Variants in USHBP1 observed in about 807,000 individuals in gnomAD.
The protein encoded by USHBP1 is harmonin-binding protein USHBP1.
A neutral mutation model predicts 76.2 loss-of-function variants in USHBP1; 67 were observed. The observed-to-expected ratio is 0.88, with a 90% CI of 0.72 to 1.08. The LOEUF is 1.08. Ranked by LOEUF, USHBP1 falls within the 50% of genes least tolerant of loss-of-function variation. USHBP1 has a pLI of 0.00. For missense variants in USHBP1, 931 were observed against 915.0 expected, an observed-to-expected ratio of 1.02 and a Z score of -0.23; for synonymous variants, 322 against 362.2, an observed-to-expected ratio of 0.89 and a Z score of 1.26.
intron 9 of USHBP1, among the ~76,000 whole-genome samples, chr19:17,256,020 A>G (rs951515422): frequency 6.6e-6 from 1 of 151,908 alleles, no homozygotes; most frequent in Non-Finnish European, 1.5e-5. Flanking sequence ...AAACAAACAA[A>G]CAAACAAACT....
chr19:17,256,703 A>G lies in USHBP1; in HGVS notation c.1238T>C (p.Val413Ala), dbSNP rs1235125331. Residue 413 changes from valine (V) to alanine (A), a missense_variant, in exon 9 of 13, where the codon GTG becomes GCG. Physicochemically the swap from Val to Ala is moderately conservative, Grantham distance 64. Transcript: ENST00000252597. ...CACTTCCTGTGGGGTGGGCTTATCCACACTGCTGCCTTCAGGGCTATAGAA... is the reference window on the plus strand; with the variant it reads ...CACTTCCTGTGGGGTGGGCTTATCCGCACTGCTGCCTTCAGGGCTATAGAA... ...NPQPSPEGSS[V>A]DKPTPQEVAF... 2 of 1,614,200 alleles carry G rather than the reference A, an allele frequency of 1.2e-6. No individual in the cohort carries two copies. The highest frequency in any genetic ancestry group is 1.7e-6 in the Non-Finnish European group (2 of 1,180,038).
intron 3 of USHBP1, 143 bp downstream of exon 3, chr19:17,263,859 A>T: frequency 8.5e-7 from 1 of 1,171,778 alleles, no homozygotes; most frequent in South Asian, 1.7e-5. Flanking sequence ...TGACACAGCA[A>T]GACTCAAAAA....
intron 10 of USHBP1, among the ~76,000 whole-genome samples, chr19:17,252,907 A>C (rs1035318022): frequency 2.0e-5 from 3 of 152,072 alleles, no homozygotes; most frequent in African/African-American, 7.2e-5. Flanking sequence ...ACAACAAAAA[A>C]ACAAAAACAA....
intron 10 of USHBP1, among the ~76,000 whole-genome samples, 153 bp from the exon 11 acceptor site, chr19:17,252,170 T>C (rs1167934395): frequency 6.6e-6 from 1 of 152,084 alleles, no homozygotes; most frequent in Non-Finnish European, 1.5e-5. Flanking sequence ...AAAATTATAC[T>C]CTGATAAGGG....
intron 4 of USHBP1, among the ~76,000 whole-genome samples, chr19:17,260,964 A>C (rs1599476862): frequency 6.6e-6 from 1 of 151,618 alleles, no homozygotes; most frequent in South Asian, 2.1e-4. Flanking sequence ...CACTTCTACA[A>C]CCTCCACCAT....
At position 17,251,607 on chromosome 19, in the gene USHBP1, T is replaced by A; in HGVS notation, c.1897A>T (p.Asn633Tyr). The change falls in exon 12 of 13, where the codon AAC (asparagine) becomes TAC (tyrosine). Residue 633 changes from asparagine to tyrosine, a missense_variant. Physicochemically the swap from Asn to Tyr is moderately radical, Grantham distance 143 (BLOSUM62 -2). Transcript: ENST00000252597. ...CTGTGGGCTTTGCATAAATCCCTGT[T>A]CAGCTCGGCACTCTGAGACCGTCTG... ...RARRSQSAEL[N>Y]RDLCKAHSAL... 6.2e-7 allele frequency: 1 copy of A among 1,614,038 alleles called. No homozygotes were observed. The highest frequency in any genetic ancestry group is 1.6e-4 in the Middle Eastern group (1 of 6,062).
chr19:17,258,391 G>A lies in USHBP1; in HGVS notation c.1047-6C>T, dbSNP rs2073647575. 6.2e-7 allele frequency: 1 copy of A among 1,612,020 alleles called. No individual in the cohort carries two copies. The highest frequency in any genetic ancestry group is 1.1e-5 in the South Asian group (1 of 91,018). The stretch of plus-strand genomic sequence containing the variant: ...ATGCCTCTTCACAGTGTTCACTGTG[G>A]GACACTGGTTCTGAGTGCTTCAGGA... On this transcript the variant is annotated splice_polypyrimidine_tract_variant and splice_region_variant and intron_variant, in intron 7 of 12. Transcript: ENST00000252597.
At position 17,256,485 on chromosome 19, in the gene USHBP1, G is replaced by A. The variant is rs769638172; in HGVS notation, c.1456C>T (p.Leu486=). Residue 486 remains leucine (L), a synonymous_variant, in exon 9 of 13, where the codon CTG becomes TTG. Transcript: ENST00000252597. ...RLEKTQIQQD[L]VAAREALADL... ...CCCATTTGTACCCTTGCGGCCACCAGGTCCTGCTGAATTTGTGTCTTCTCC... is the reference window on the plus strand; with the variant it reads ...CCCATTTGTACCCTTGCGGCCACCAAGTCCTGCTGAATTTGTGTCTTCTCC... The A allele has an allele frequency of 6.8e-6, 11 of 1,613,634 alleles. No homozygotes were observed. Among genetic ancestry groups the A allele is most frequent in the African/African-American group, 1.3e-5 (1 of 74,986 alleles).
At chr19:17,254,464 T>G (rs1395760363) in intron 10 of USHBP1, among the ~76,000 whole-genome samples, 1 of 147,102 alleles carries the variant, frequency 6.8e-6, no homozygotes, top group Non-Finnish European at 1.5e-5. Context: ...GAGACCAGCC[T>G]TAGTAACATG....
rs762040512 is a variant in USHBP1 at position 17,259,663 on chromosome 19, A to G, written c.838T>C (p.Ser280Pro). ...RSHSSTQILG[S>P]LPNQPLSPEM... ...GGACTGAGGGGCTGGTTGGGAAGAG[A>G]CCCAAGGATCTGGGTGCTGGAATGG... Residue 280 changes from serine (S) to proline (P), a missense_variant, in exon 6 of 13, where the codon TCT becomes CCT. By Grantham distance (74) the Ser-to-Pro change is moderately conservative (BLOSUM62 -1). Coordinates refer to ENST00000252597, the MANE Select transcript of USHBP1 (RefSeq NM_031941.4). 6.2e-7 allele frequency: 1 copy of G among 1,613,828 alleles called. No individual in the cohort carries two copies. Among genetic ancestry groups the G allele is most frequent in the South Asian group, 1.1e-5 (1 of 91,060 alleles).
Position 17,256,400 on chromosome 19 carries a change from G to A in USHBP1, c.1470+71C>T, listed in dbSNP as rs923643034. 18 of 1,584,040 alleles carry A rather than the reference G, an allele frequency of 1.1e-5. No individual in the cohort carries two copies. The Admixed American group carries it at 1.8e-4, about 16-fold the overall frequency. On this transcript the variant is annotated intron_variant, in intron 9 of 12. Transcript: ENST00000252597. ...CAGCAGAATTCTCCTTTGCTCCTTG[G>A]TCCCCCGACCTCAGTAAAGGATTTT...
rs2073555798 is a variant in USHBP1, at chr19:17,251,762, C to G, written c.1800-58G>C. ...CCCCAGCCGATCCTGTTTCCCAGGT[C>G]TCCTCCTACCCACCTGCCCACAGTA... On this transcript the variant is annotated intron_variant, in intron 11 of 12. Coordinates refer to ENST00000252597, the MANE Select transcript of USHBP1 (RefSeq NM_031941.4). The G allele has an allele frequency of 1.5e-5, 24 of 1,604,850 alleles. No individual in the cohort carries two copies. In the South Asian group the frequency reaches 2.6e-4, roughly 18 times the overall value.
In USHBP1 at chr19:17,263,990, A is replaced by G. The variant is rs376842382; in HGVS notation, c.203+12T>C. 3.8e-6 allele frequency: 6 copies of G among 1,558,688 alleles called. No homozygotes were observed. The African/African-American group carries it at 8.2e-5, about 21-fold the overall frequency. ...GGACTGGAGTGAAGGGCACAGACCA[A>G]GCGGGTCTTACCTGCTTCCTAGGCC... On this transcript the variant is annotated intron_variant, in intron 3 of 12. Transcript: ENST00000252597.
In USHBP1 at chr19:17,250,031, G is replaced by T; in HGVS notation, c.*194C>A. 2 of 630,400 alleles carry T rather than the reference G, an allele frequency of 3.2e-6. No homozygotes were observed. Among genetic ancestry groups the T allele is most frequent in the Non-Finnish European group, 2.7e-6 (1 of 375,166 alleles). 39.1% of individuals were successfully genotyped at this position (630,400 alleles called of 1,614,324 possible). A position where few individuals can be genotyped will look rare whatever the true frequency, so the allele number is the denominator to read the frequency against. ...AAGTTCACATTCCACTTGGTGCCAG[G>T]CCAAAGACACCTGAGTCTTTCTTCA... is the stretch of plus-strand genomic sequence containing the variant. On this transcript the variant is annotated 3_prime_UTR_variant, in exon 13 of 13. Transcript: ENST00000252597.
chr19:17,263,170 T>G (rs2073712332), intron 3 of USHBP1, 180 bp from the exon 4 acceptor site: 1 of 535,950 alleles, frequency 1.9e-6, no homozygotes, highest in Non-Finnish European at 3.0e-6. Context: ...CCCAAGTAGC[T>G]GGGATTACAG....
Position 17,249,600 on chromosome 19 carries a change from C to T in USHBP1, c.*625G>A, listed in dbSNP as rs1248016633. 1 of 152,880 alleles carries T rather than the reference C, an allele frequency of 6.5e-6. No homozygotes were observed. The highest frequency in any genetic ancestry group is 1.5e-5 in the Non-Finnish European group (1 of 68,706). The allele number at this position is 152,880 out of a possible 1,614,324, so 9.5% of individuals were successfully genotyped here. On this transcript the variant is annotated 3_prime_UTR_variant, in exon 13 of 13. Coordinates refer to ENST00000252597, the MANE Select transcript of USHBP1 (RefSeq NM_031941.4). ...ACTTCCCAAGCTCAAGTTACCCTCC[C>T]ACTTTAGCCTCCTAAATATCTTTAT...
intron 12 of USHBP1, among the ~76,000 whole-genome samples, 153 bp downstream of exon 12, chr19:17,251,429 G>A (rs2073549791): frequency 6.6e-6 from 1 of 152,116 alleles, no homozygotes; most frequent in East Asian, 1.9e-4. Flanking sequence ...CTCCCAACAT[G>A]CTGGGATTAC....
At chr19:17,262,320 A>AT (rs1453983573) in intron 4 of USHBP1, among the ~76,000 whole-genome samples, 1 of 150,992 alleles carries the variant, frequency 6.6e-6, no homozygotes. Context: ...CTGATTTTTA[A>AT]TTTTTTTGCA....
At chr19:17,257,353 T>G (rs1187363554) in intron 8 of USHBP1, among the ~76,000 whole-genome samples, 2 of 144,242 alleles carry the variant, frequency 1.4e-5, no homozygotes, top group Non-Finnish European at 3.0e-5. Flanking sequence ...TCATAAAAAA[T>G]TAGCTGCGGC....
Sources: allele counts gnomAD v4.1 joint callset (sites outside exome capture counted in the v4.1 genomes callset), GRCh38; gene constraint gnomAD v4.1.1; transcripts MANE v1.5; gene names NCBI Gene and HGNC (gene_info 2026-07-23, HGNC 2026-07-21).